CSNK2A1: variants seen among roughly 807,000 people sequenced by gnomAD.
CSNK2A1 encodes casein kinase II subunit alpha.
CSNK2A1 carries 10 observed loss-of-function variants against 62.9 expected under a neutral mutation model. The observed-to-expected ratio is 0.16, with a 90% CI of 0.10 to 0.27. The LOEUF (loss-of-function observed/expected upper bound fraction) is 0.27. Ranked by LOEUF, CSNK2A1 falls within the 10% of genes least tolerant of loss-of-function variation. The pLI is 1.00. For missense variants in CSNK2A1, 160 were observed against 492.0 expected (o/e 0.33, Z 6.38); for synonymous variants, 124 against 167.8 (o/e 0.74, Z 2.02).
chr20:540,051 C>T (rs1054182761), intron 1 of CSNK2A1: 1 of 152,232 alleles, frequency 6.6e-6, no homozygotes, highest in African/African-American at 2.4e-5. Context: ...CAGCTTTTAG[C>T]TCCACCCCTC....
At chr20:543,645 G>T (rs921147094) in intron 1 of CSNK2A1, 27 bp downstream of exon 1, 4 of 397,704 alleles carry the variant, frequency 1.0e-5, no homozygotes, top group Admixed American at 8.8e-5. Flanking sequence ...ACCCGCCAAC[G>T]ACCTCGCCTG....
chr20:512,856 T>A (rs1327823601), intron 2 of CSNK2A1, among the ~76,000 whole-genome samples: 1 of 152,170 alleles, frequency 6.6e-6, no homozygotes, highest in African/African-American at 2.4e-5. Flanking sequence ...TTAATATCAG[T>A]TAAAACTGTA....
chr20:543,676 G>T lies in CSNK2A1; in HGVS notation c.-231C>A. On this transcript the variant is annotated 5_prime_UTR_variant, in exon 1 of 14. Transcript: ENST00000217244. ...GCCTGGCTGCTCCCTAGGTACCTGT[G>T]GTGGAAGCGGCAGCGGCGGCGGCCG... 2 of 398,198 alleles carry T rather than the reference G, an allele frequency of 5.0e-6. No individual in the cohort carries two copies. Among genetic ancestry groups the T allele is most frequent in the Non-Finnish European group, 8.8e-6 (2 of 226,020 alleles). 24.7% of individuals were successfully genotyped at this position (398,198 alleles called of 1,614,324 possible). A position where few individuals can be genotyped will look rare whatever the true frequency, so the allele number is the denominator to read the frequency against.
chr20:511,221 T>C (rs1324343631), intron 2 of CSNK2A1, among the ~76,000 whole-genome samples: 1 of 151,968 alleles, frequency 6.6e-6, no homozygotes, highest in Non-Finnish European at 1.5e-5. Context: ...CTGCCTGCAG[T>C]CCCAGCTACT....
At chr20:497,662 G>C in intron 7 of CSNK2A1, 59 bp downstream of exon 7, 3 of 1,394,150 alleles carry the variant, frequency 2.2e-6, no homozygotes, top group South Asian at 1.2e-5. Flanking sequence ...ACCATCAATT[G>C]ACTATTTAAC....
intron 1 of CSNK2A1, among the ~76,000 whole-genome samples, chr20:537,259 TA>T (rs1463552365): frequency 6.6e-6 from 1 of 152,194 alleles, no homozygotes; most frequent in Non-Finnish European, 1.5e-5. Flanking sequence ...TATTTAACCC[TA>T]AAACTGTCAC....
intron 4 of CSNK2A1, 100 bp downstream of exon 4, chr20:505,018 T>G (rs573450506): frequency 1.0e-6 from 1 of 954,014 alleles, no homozygotes; most frequent in African/African-American, 1.7e-5. Flanking sequence ...TTATTTGCTT[T>G]GGCACCAAAA....
chr20:514,316 C>A (rs1012460814), intron 2 of CSNK2A1, among the ~76,000 whole-genome samples: 9 of 151,858 alleles, frequency 5.9e-5, no homozygotes, highest in African/African-American at 2.2e-4. Context: ...TGCACTCCAA[C>A]CTGGGTGACA....
In CSNK2A1 at chr20:498,774, T is replaced by C. The variant is rs6037802; in HGVS notation, c.366+481A>G. 30 of 152,390 alleles carry C rather than the reference T, an allele frequency of 2.0e-4. 1 individual carries two copies. Among genetic ancestry groups the C allele is most frequent in the African/African-American group, 7.2e-4 (30 of 41,584 alleles). 9.4% of individuals were successfully genotyped at this position (152,390 alleles called of 1,614,324 possible). ...CACTGGATAGACTGGAATTCTGAGA[T>C]ATCTCTTATAGAGGTTTGTGTTATG... On this transcript the variant is annotated intron_variant, in intron 6 of 13. Transcript: ENST00000217244.
chr20:537,872 T>C (rs1171806175), intron 1 of CSNK2A1, among the ~76,000 whole-genome samples: 3 of 152,222 alleles, frequency 2.0e-5, no homozygotes, highest in Non-Finnish European at 2.9e-5. Context: ...TGGCAAATCA[T>C]ATTGGTTTTC....
intron 2 of CSNK2A1, among the ~76,000 whole-genome samples, chr20:518,795 T>C (rs1237027321): frequency 6.7e-6 from 1 of 149,580 alleles, no homozygotes; most frequent in Non-Finnish European, 1.5e-5. Flanking sequence ...GACCTCGTGA[T>C]CCACCCGCCT....
intron 3 of CSNK2A1, among the ~76,000 whole-genome samples, chr20:505,539 T>G (rs1260384677): frequency 6.6e-6 from 1 of 151,716 alleles, no homozygotes; most frequent in Non-Finnish European, 1.5e-5. Flanking sequence ...TTTTGAATTT[T>G]TAGTAGAGAC....
intron 13 of CSNK2A1, among the ~76,000 whole-genome samples, chr20:485,109 A>ATAATAATAAT (rs1366439608): frequency 4.1e-5 from 1 of 24,666 alleles, no homozygotes; most frequent in African/African-American, 1.4e-4. Flanking sequence ...AAAAAAAAAA[A>ATAATAATAAT]ATATATATAT....
intron 8 of CSNK2A1, 137 bp downstream of exon 8, chr20:495,582 C>G (rs564587442): frequency 7.8e-6 from 5 of 637,498 alleles, no homozygotes; most frequent in Non-Finnish European, 1.4e-5. Context: ...CTTGTAAATT[C>G]GTACATTCAT....
At position 499,293 on chromosome 20, in the gene CSNK2A1, C is replaced by A; in HGVS notation, c.328G>T (p.Ala110Ser). The A allele has an allele frequency of 6.2e-7, 1 of 1,606,892 alleles. No individual in the cohort carries two copies. Among genetic ancestry groups the A allele is most frequent in the Non-Finnish European group, 8.5e-7 (1 of 1,176,580 alleles). ...TTGTTTACGTGTTCAAAAACCAAGG[C>A]GGGGGTTCGTGACTAGGGGAAAAGA... ...IVKDPVSRTP[A>S]LVFEHVNNTD... is the part of the protein sequence containing the mutation. The change falls in exon 6 of 14, where the codon GCC becomes TCC. Residue 110 changes from alanine to serine, a missense_variant. By Grantham distance (99) the Ala-to-Ser change is moderately conservative. Around this residue, in one of 3 missense-constraint regions of CSNK2A1, gnomAD observed 94 missense variants for 357.6 expected, o/e 0.26. Transcript: ENST00000217244. This position sits in a 1 kb window ranked among gnomAD's most constrained non-coding sequence, Gnocchi z 4.2.
intron 3 of CSNK2A1, chr20:506,097 C>G (rs205880): frequency 2.0e-5 from 3 of 151,620 alleles, no homozygotes; most frequent in Non-Finnish European, 2.9e-5. Context: ...AGGATGGTCT[C>G]GATCTCCTGA....
At chr20:501,051 GCA>G (rs1377464791) in intron 4 of CSNK2A1, 1 of 149,928 alleles carries the variant, frequency 6.7e-6, no homozygotes, top group Admixed American at 6.6e-5. Flanking sequence ...TGGTCCCACT[GCA>G]CCTCCTTTAT....
At chr20:525,687 A>G (rs1397012218) in intron 2 of CSNK2A1, among the ~76,000 whole-genome samples, 4 of 148,320 alleles carry the variant, frequency 2.7e-5, no homozygotes, top group Non-Finnish European at 1.5e-5. Context: ...AATAATAATA[A>G]TTAGGCTGTG....
intron 1 of CSNK2A1, among the ~76,000 whole-genome samples, chr20:534,498 C>G (rs1294939958): frequency 1.3e-5 from 2 of 152,154 alleles, no homozygotes; most frequent in Admixed American, 1.3e-4. Flanking sequence ...AGGAAGACAA[C>G]TGAGACATGC....
Sources: gnomAD v4.1 joint callset for allele counts (sites outside exome capture counted in the v4.1 genomes callset) on GRCh38, gnomAD v4.1.1 for gene constraint, gnomAD v4.1.1 regional missense constraint, Gnocchi (gnomAD v3.1) non-coding constraint, MANE v1.5 for transcripts, NCBI Gene and HGNC (gene_info 2026-07-23, HGNC 2026-07-21) for gene names.